The following CSMD1 variants were observed in gnomAD, a reference collection of about 807,000 sequenced individuals.
The protein encoded by CSMD1 is CUB and Sushi multiple domains 1.
In CSMD1, 213 loss-of-function variants were observed where a neutral mutation model predicts 417.5. That is an observed-to-expected ratio of 0.51 (90% CI 0.46 to 0.57). CSMD1 has a LOEUF of 0.57. CSMD1 is among the 20% of genes least tolerant of loss of function. CSMD1 has a pLI of 0.00. For missense variants in CSMD1, 6,923 were observed against 4,529.7 expected, an observed-to-expected ratio of 1.53 and a Z score of -15.17; for synonymous variants, 2,862 against 1,736.8, an observed-to-expected ratio of 1.65 and a Z score of -16.11.
chr8:3,394,055 TAG>T (rs1491357354), intron 17 of CSMD1, among the ~76,000 whole-genome samples: 1,197 of 112,216 alleles, frequency 0.011, 25 homozygotes, highest in Middle Eastern at 0.02. Context: ...TATATATATA[TAG>T]AAAAAAAGAA....
rs60948670 is a variant in CSMD1 at position 3,583,985 on chromosome 8, C to T, written c.1222+2151G>A. On this transcript the variant is annotated intron_variant, in intron 9 of 69. Transcript: ENST00000635120. ...AAATATGTGAGAGCATGGCCTTTGT[C>T]TAACTGAGTCAACACTAGTAAAACC... Among the ~76,000 whole-genome samples the T allele has an allele frequency of 7.6e-3, 1,151 of 152,020 alleles. 13 individuals are homozygous for T. Among genetic ancestry groups the T allele is most frequent in the African/African-American group, 0.027 (1,100 of 41,458 alleles).
intron 23 of CSMD1, among the ~76,000 whole-genome samples, chr8:3,329,986 G>A (rs139335038): frequency 6.6e-6 from 1 of 152,296 alleles, no homozygotes; most frequent in East Asian, 1.9e-4. Flanking sequence ...TAGGCACACA[G>A]TCATGAGAAG....
intron 1 of CSMD1, among the ~76,000 whole-genome samples, chr8:4,990,146 C>G (rs1397819820): frequency 1.3e-5 from 2 of 152,310 alleles, no homozygotes; most frequent in African/African-American, 2.4e-5. Flanking sequence ...TTGATGAGAC[C>G]TCATTGCCCT....
At chr8:3,358,596 T>G (rs1314273939) in intron 21 of CSMD1, among the ~76,000 whole-genome samples, 1 of 152,208 alleles carries the variant, frequency 6.6e-6, no homozygotes, top group African/African-American at 2.4e-5. Flanking sequence ...AAATTCCTGT[T>G]ACTCTTCGGA....
chr8:4,798,490 T>C (rs1406773444), intron 1 of CSMD1, among the ~76,000 whole-genome samples: 1 of 152,210 alleles, frequency 6.6e-6, no homozygotes, highest in Non-Finnish European at 1.5e-5. Context: ...AAGTACAGAA[T>C]TGAAAATTGC....
intron 40 of CSMD1, among the ~76,000 whole-genome samples, chr8:3,143,949 G>A (rs1436680676): frequency 1.3e-5 from 2 of 152,110 alleles, no homozygotes; most frequent in Non-Finnish European, 2.9e-5. Context: ...AAAAATTGTA[G>A]GGAGGAAACA....
intron 1 of CSMD1, among the ~76,000 whole-genome samples, chr8:4,928,016 G>T (rs919217905): frequency 2.0e-5 from 3 of 152,096 alleles, no homozygotes; most frequent in South Asian, 2.1e-4. Flanking sequence ...CATCCTCAGC[G>T]GCAAAAGTAG....
In CSMD1 at chr8:3,420,094, T is replaced by C. The variant is rs74956377; in HGVS notation, c.1562-10489A>G. 8.2e-3 allele frequency among the ~76,000 whole-genome samples: 1,243 copies of C among 152,294 alleles called. 6 individuals are homozygous for C. Among genetic ancestry groups the C allele is most frequent in the South Asian group, 0.022 (104 of 4,820 alleles). On this transcript the variant is annotated intron_variant, in intron 12 of 69. Coordinates refer to ENST00000635120, the MANE Select transcript of CSMD1 (RefSeq NM_033225.6). ...TTTGCTATTATTATTAACATCATCA[T>C]TGATATTACTTTTAATTTCAATAGT...
chr8:4,849,208 A>G (rs2116821792), intron 1 of CSMD1, among the ~76,000 whole-genome samples: 2 of 152,292 alleles, frequency 1.3e-5, no homozygotes, highest in Admixed American at 1.3e-4. Context: ...GCTAGAAAAA[A>G]GCTTGTAGAA....
At chr8:4,151,874 C>T (rs1796588701) in intron 3 of CSMD1, among the ~76,000 whole-genome samples, 1 of 152,106 alleles carries the variant, frequency 6.6e-6, no homozygotes, top group African/African-American at 2.4e-5. Flanking sequence ...CTATTGCAGG[C>T]ACACATTAAA....
intron 2 of CSMD1, among the ~76,000 whole-genome samples, chr8:4,513,464 T>C (rs1267408213): frequency 1.3e-5 from 2 of 152,180 alleles, no homozygotes; most frequent in Admixed American, 6.6e-5. Flanking sequence ...TCCCAATTCT[T>C]TCATACCCAC....
intron 1 of CSMD1, among the ~76,000 whole-genome samples, chr8:4,726,036 G>A (rs781634138): frequency 1.6e-4 from 24 of 152,086 alleles, no homozygotes; most frequent in Admixed American, 7.2e-4. Flanking sequence ...TTCTGGTCAC[G>A]GTGTGAGTTC....
intron 1 of CSMD1, among the ~76,000 whole-genome samples, chr8:4,651,814 A>C (rs999166895): frequency 1.3e-5 from 2 of 152,196 alleles, no homozygotes; most frequent in Non-Finnish European, 2.9e-5. Context: ...AATTTGATTT[A>C]CTGAACCAAA....
At chr8:4,457,074 G>C (rs767018920) in intron 2 of CSMD1, among the ~76,000 whole-genome samples, 2 of 151,654 alleles carry the variant, frequency 1.3e-5, no homozygotes, top group East Asian at 3.9e-4. Context: ...TACCAGGTGT[G>C]TCTGGCACAG....
intron 26 of CSMD1, among the ~76,000 whole-genome samples, chr8:3,255,687 C>T (rs1800598710): frequency 6.6e-6 from 1 of 152,220 alleles, no homozygotes; most frequent in African/African-American, 2.4e-5. Context: ...ATATAATCTC[C>T]TGGTGTGCCG....
chr8:2,972,708 C>A (rs1585074119), intron 57 of CSMD1, among the ~76,000 whole-genome samples: 1 of 152,314 alleles, frequency 6.6e-6, no homozygotes, highest in East Asian at 1.9e-4. Flanking sequence ...GGGCCACCAA[C>A]AGATTGGAAA....
chr8:4,748,560 G>A (rs7827261), intron 1 of CSMD1, among the ~76,000 whole-genome samples: 47,150 of 152,040 alleles, frequency 0.31, 8,246 homozygotes, highest in Admixed American at 0.45. Context: ...CAGACATCAG[G>A]ATTATTGGGT....
chr8:3,469,487 G>C (rs572689783), intron 11 of CSMD1, among the ~76,000 whole-genome samples: 15 of 152,270 alleles, frequency 9.9e-5, no homozygotes, highest in African/African-American at 3.6e-4. Context: ...AGCATTCATT[G>C]TGCATTAACA....
At chr8:4,157,489 T>C (rs929585255) in intron 3 of CSMD1, among the ~76,000 whole-genome samples, 1 of 152,130 alleles carries the variant, frequency 6.6e-6, no homozygotes, top group African/African-American at 2.4e-5. Context: ...TCCTTCTGAC[T>C]AGCGGAGAAA....
Sources: gnomAD v4.1 joint callset for allele counts (sites outside exome capture counted in the v4.1 genomes callset) on GRCh38, gnomAD v4.1.1 for gene constraint, MANE v1.5 for transcripts, NCBI Gene and HGNC (gene_info 2026-07-23, HGNC 2026-07-21) for gene names.